EBF1: variants seen among roughly 807,000 people sequenced by gnomAD.
EBF1 encodes the protein transcription factor COE1.
In EBF1, 10 loss-of-function variants were observed where a neutral mutation model predicts 68.4. The ratio of observed to expected loss-of-function variants is 0.15; its 90% CI spans 0.09 to 0.25. The LOEUF (loss-of-function observed/expected upper bound fraction) is 0.25. Ranked by LOEUF, EBF1 falls within the 10% of genes least tolerant of loss-of-function variation. The probability of loss-of-function intolerance (pLI) is 1.00; values close to 1 mark genes in which losing one functional copy is unlikely to be tolerated. For missense variants in EBF1, 509 were observed against 794.4 expected, an observed-to-expected ratio of 0.64 and a Z score of 4.32; for synonymous variants, 298 against 299.8, an observed-to-expected ratio of 0.99 and a Z score of 0.06.
intron 6 of EBF1, chr5:158,983,056 C>T (rs1758222404): frequency 6.6e-6 from 1 of 152,198 alleles, no homozygotes; most frequent in Non-Finnish European, 1.5e-5. Flanking sequence ...TCCTGACTCC[C>T]TCAGCCCTTA....
At chr5:158,922,870 C>T (rs1808744666) in intron 6 of EBF1, among the ~76,000 whole-genome samples, 1 of 152,216 alleles carries the variant, frequency 6.6e-6, no homozygotes, top group East Asian at 1.9e-4. Context: ...TTTCTAACCA[C>T]TCTCTGTCCA....
chr5:158,850,680 C>T (rs1012154718), intron 6 of EBF1, among the ~76,000 whole-genome samples: 2 of 152,116 alleles, frequency 1.3e-5, no homozygotes, highest in African/African-American at 4.8e-5. Flanking sequence ...ATTGCCTGGG[C>T]ATCTCATCAT....
chr5:159,009,641 C>T (rs552788904), intron 6 of EBF1, among the ~76,000 whole-genome samples: 6 of 151,804 alleles, frequency 4.0e-5, no homozygotes, highest in Non-Finnish European at 7.4e-5. Context: ...TAGCTGGGCA[C>T]GGTGGTGCAC....
intron 2 of EBF1, 81 bp downstream of exon 2, chr5:159,096,893 G>A: frequency 6.6e-7 from 1 of 1,523,032 alleles, no homozygotes; most frequent in Non-Finnish European, 8.8e-7. Flanking sequence ...TGCACTCAAG[G>A]AAGGGCGCGC....
chr5:158,779,058 C>T (rs1775891754), intron 9 of EBF1, among the ~76,000 whole-genome samples: 1 of 152,020 alleles, frequency 6.6e-6, no homozygotes, highest in African/African-American at 2.4e-5. Context: ...GAAAGAGGCT[C>T]TGAAGGGCAG....
chr5:159,009,835 C>T (rs1764279105), intron 6 of EBF1, among the ~76,000 whole-genome samples: 1 of 151,118 alleles, frequency 6.6e-6, no homozygotes, highest in South Asian at 2.1e-4. Context: ...GCATAGCTGA[C>T]ACTTGTTTTT....
At chr5:159,095,102 A>G (rs1034516038) in intron 4 of EBF1, among the ~76,000 whole-genome samples, 2 of 152,084 alleles carry the variant, frequency 1.3e-5, no homozygotes, top group African/African-American at 2.4e-5. Context: ...TCCCTCTTTC[A>G]ACACTACCTT....
intron 10 of EBF1, among the ~76,000 whole-genome samples, chr5:158,774,327 T>G (rs1774588670): frequency 6.6e-6 from 1 of 152,086 alleles, no homozygotes; most frequent in Non-Finnish European, 1.5e-5. Context: ...TAGTATAGAT[T>G]AGGCCATGCT....
chr5:159,083,583 T>C (rs1281600182), intron 5 of EBF1, among the ~76,000 whole-genome samples: 1 of 152,118 alleles, frequency 6.6e-6, no homozygotes. Context: ...AAGAAGTTGG[T>C]ATTTGGGATT....
rs1289482178 is a variant in EBF1 at position 158,941,261 on chromosome 5, G to T, written c.555-101151C>A. On this transcript the variant is annotated intron_variant, in intron 6 of 15. Transcript: ENST00000313708. ...ATGTGAGGGGTTAGACCCAAACAAT[G>T]CAGACTGGAGACGTTGAATCAGGAA... The T allele has an allele frequency of 2.4e-5, 11 of 455,970 alleles. 1 individual carries two copies. Among genetic ancestry groups the T allele is most frequent in the South Asian group, 1.7e-4 (11 of 64,540 alleles). 28.2% of individuals were successfully genotyped at this position (455,970 alleles called of 1,614,324 possible).
chr5:158,969,915 A>G (rs906720291), intron 6 of EBF1, among the ~76,000 whole-genome samples: 3 of 88,828 alleles, frequency 3.4e-5, no homozygotes, highest in African/African-American at 1.3e-4. Flanking sequence ...AAAGAAAGAA[A>G]GAAAAAAAAA....
chr5:158,792,632 T>C (rs1055102402), intron 9 of EBF1, among the ~76,000 whole-genome samples: 2 of 152,164 alleles, frequency 1.3e-5, no homozygotes, highest in South Asian at 4.2e-4. Context: ...GTGATAAAAG[T>C]CTACTTAAAA....
At chr5:159,004,962 T>C (rs1238591712) in intron 6 of EBF1, among the ~76,000 whole-genome samples, 2 of 152,150 alleles carry the variant, frequency 1.3e-5, no homozygotes, top group South Asian at 2.1e-4. Context: ...AAACCAGTTG[T>C]GAGGAATGGA....
intron 6 of EBF1, among the ~76,000 whole-genome samples, chr5:158,944,674 C>T (rs542889844): frequency 6.6e-6 from 1 of 152,338 alleles, no homozygotes; most frequent in South Asian, 2.1e-4. Context: ...AACTAATTTA[C>T]ATTCCCACCA....
chr5:158,836,554 G>A (rs1385608011), intron 7 of EBF1, among the ~76,000 whole-genome samples: 2 of 152,122 alleles, frequency 1.3e-5, no homozygotes, highest in Non-Finnish European at 2.9e-5. Context: ...AAAATAAAAG[G>A]TTGGGTTAGA....
At chr5:158,732,325 CTG>C (rs1764261276) in intron 10 of EBF1, among the ~76,000 whole-genome samples, 1 of 152,172 alleles carries the variant, frequency 6.6e-6, no homozygotes, top group Admixed American at 6.5e-5. Flanking sequence ...CTTTAAAAAA[CTG>C]TATTAAATTC....
intron 6 of EBF1, among the ~76,000 whole-genome samples, chr5:158,896,556 T>C (rs1003002466): frequency 7.9e-5 from 12 of 152,220 alleles, no homozygotes; most frequent in African/African-American, 2.7e-4. Flanking sequence ...AAAGCTTAAG[T>C]AACTTGCTCA....
intron 6 of EBF1, among the ~76,000 whole-genome samples, chr5:158,980,220 A>G (rs1757630317): frequency 6.6e-6 from 1 of 152,206 alleles, no homozygotes; most frequent in Non-Finnish European, 1.5e-5. Context: ...CACGTCTCAT[A>G]TGTCAACAGA....
chr5:158,786,573 A>G (rs1446624311), intron 9 of EBF1, among the ~76,000 whole-genome samples: 2 of 152,162 alleles, frequency 1.3e-5, no homozygotes, highest in African/African-American at 4.8e-5. Context: ...GGAGAGCATC[A>G]GACACCAGCA....
Sources: gnomAD v4.1 joint callset for allele counts (sites outside exome capture counted in the v4.1 genomes callset) on GRCh38, gnomAD v4.1.1 for gene constraint, MANE v1.5 for transcripts, NCBI Gene and HGNC (gene_info 2026-07-23, HGNC 2026-07-21) for gene names.